DLG2: variants seen among roughly 807,000 people sequenced by gnomAD.
The protein encoded by DLG2 is disks large homolog 2.
Under a neutral mutation model 132.5 loss-of-function variants are expected in DLG2, and 45 were observed. The ratio of observed to expected loss-of-function variants is 0.34; its 90% confidence interval spans 0.27 to 0.44. The LOEUF (loss-of-function observed/expected upper bound fraction) is 0.44, where lower values mean the gene tolerates loss of function less well. Among genes scored for constraint, DLG2 ranks in the 20% least tolerant of loss-of-function variants. DLG2 has a pLI of 1.00. For missense variants in DLG2, 1,045 were observed against 1,196.9 expected (o/e 0.87, Z 1.87); for synonymous variants, 424 against 419.6 (o/e 1.01, Z -0.13).
intron 3 of DLG2, among the ~76,000 whole-genome samples, chr11:85,325,455 TCCCTGAC>T (rs1292647583): frequency 7.2e-6 from 1 of 138,452 alleles, no homozygotes; most frequent in Non-Finnish European, 1.6e-5. Context: ...CTCAAGTGGG[TCCCTGAC>T]CCCTGACCCC....
At chr11:83,706,974 A>G (rs1048874521) in intron 18 of DLG2, among the ~76,000 whole-genome samples, 2 of 152,258 alleles carry the variant, frequency 1.3e-5, no homozygotes, top group Non-Finnish European at 2.9e-5. Flanking sequence ...AACACTTATC[A>G]TCAAGCAAAC....
intron 20 of DLG2, among the ~76,000 whole-genome samples, chr11:83,539,950 G>C (rs995817823): frequency 6.6e-6 from 1 of 152,150 alleles, no homozygotes; most frequent in Non-Finnish European, 1.5e-5. Context: ...GAACCTCAGG[G>C]TTGGAAAGAG....
intron 6 of DLG2, among the ~76,000 whole-genome samples, chr11:84,758,797 TAG>T (rs1158276664): frequency 6.6e-6 from 1 of 152,222 alleles, no homozygotes; most frequent in Non-Finnish European, 1.5e-5. Context: ...GAAGGTAACG[TAG>T]ATTCACTAAG....
In DLG2 at chr11:84,887,976, G is replaced by C. The variant is rs142394761; in HGVS notation, c.357+223685C>G. The stretch of plus-strand genomic sequence containing the variant: ...CAATTCATTACCTCAAAAACTATTT[G>C]AGAGTTGAAGAAGTTTCTCAGAAAT... On this transcript the variant is annotated intron_variant, in intron 6 of 27. Coordinates refer to ENST00000376104, the MANE Select transcript of DLG2 (RefSeq NM_001142699.3). Among the ~76,000 whole-genome samples the C allele has an allele frequency of 2.2e-3, 339 of 152,192 alleles. 5 individuals carry two copies. Among genetic ancestry groups the C allele is most frequent in the African/African-American group, 8.0e-3 (331 of 41,530 alleles).
chr11:84,831,557 C>G (rs1328205718), intron 6 of DLG2, among the ~76,000 whole-genome samples: 1 of 151,534 alleles, frequency 6.6e-6, no homozygotes, highest in African/African-American at 2.4e-5. Context: ...CTTATGTTCT[C>G]TTCACTTTAC....
rs979023950 is a variant in DLG2, at chr11:84,901,380, A to T, written c.357+210281T>A. On this transcript the variant is annotated intron_variant, in intron 6 of 27. Coordinates refer to ENST00000376104, the MANE Select transcript of DLG2 (RefSeq NM_001142699.3). ...ATATCCTGACAATCAGTGGGATAAG[A>T]GATGCCATAGCCAAGTTACTCACGC... Among the ~76,000 whole-genome samples, 7 of 152,108 alleles carry T rather than the reference A, an allele frequency of 4.6e-5. No homozygotes were observed. In the South Asian group the frequency reaches 1.2e-3, roughly 27 times the overall value.
chr11:83,989,893 G>C (rs1322941035), intron 11 of DLG2, among the ~76,000 whole-genome samples: 2 of 152,102 alleles, frequency 1.3e-5, no homozygotes, highest in Non-Finnish European at 2.9e-5. Context: ...TGATAGTTTT[G>C]TAACAACTAA....
chr11:85,365,099 T>G (rs1022800312), intron 3 of DLG2, among the ~76,000 whole-genome samples: 2 of 152,144 alleles, frequency 1.3e-5, no homozygotes, highest in African/African-American at 4.8e-5. Flanking sequence ...TGGTCAATTA[T>G]TTAGTCACAA....
At chr11:83,641,420 C>T (rs2066467270) in intron 18 of DLG2, among the ~76,000 whole-genome samples, 1 of 152,154 alleles carries the variant, frequency 6.6e-6, no homozygotes, top group South Asian at 2.1e-4. Flanking sequence ...TTATTTGGAG[C>T]TCAGAAAATA....
Position 85,605,840 on chromosome 11 carries a change from A to G in DLG2, c.-92-7052T>C, listed in dbSNP as rs888694504. On this transcript the variant is annotated intron_variant, in intron 2 of 27. Transcript: ENST00000376104. ...CTAAAAATGCAAAAATTAGCTGGACATGGTTGCGGGTGCCTGTAATCCCAG... is the reference window on the plus strand; with the variant it reads ...CTAAAAATGCAAAAATTAGCTGGACGTGGTTGCGGGTGCCTGTAATCCCAG... 2.0e-5 allele frequency among the ~76,000 whole-genome samples: 3 copies of G among 152,150 alleles called. No individual in the cohort carries two copies. The South Asian group carries it at 6.2e-4, about 32-fold the overall frequency.
chr11:83,968,186 A>T (rs542239529), intron 12 of DLG2, among the ~76,000 whole-genome samples: 1 of 152,326 alleles, frequency 6.6e-6, no homozygotes, highest in African/African-American at 2.4e-5. Context: ...CAGCTATACC[A>T]TACTTTGCAG....
At chr11:85,087,166 T>C (rs1205382219) in intron 6 of DLG2, among the ~76,000 whole-genome samples, 1 of 152,184 alleles carries the variant, frequency 6.6e-6, no homozygotes, top group Non-Finnish European at 1.5e-5. Context: ...GACAAATTCC[T>C]GGCCATTACA....
intron 6 of DLG2, among the ~76,000 whole-genome samples, chr11:84,554,961 T>C (rs1202405957): frequency 6.6e-6 from 1 of 151,982 alleles, no homozygotes; most frequent in Non-Finnish European, 1.5e-5. Context: ...AATCTTTGTG[T>C]TGGAAAAGAG....
In DLG2 at chr11:83,771,685, T is replaced by C. The variant is rs201658657; in HGVS notation, c.1825+15005A>G. Among the ~76,000 whole-genome samples the C allele has an allele frequency of 3.2e-4, 48 of 152,326 alleles. No homozygotes were observed. In the East Asian group the frequency reaches 5.2e-3, roughly 17 times the overall value. Reference sequence around the variant, plus strand: ...AATCTTATAAGACCACCGTTGTATATGTGATCCATTGTTAAACATTATTTT... The same window carrying C: ...AATCTTATAAGACCACCGTTGTATACGTGATCCATTGTTAAACATTATTTT... On this transcript the variant is annotated intron_variant, in intron 18 of 27. Transcript: ENST00000376104.
At chr11:84,024,987 T>C (rs10792704) in intron 11 of DLG2, among the ~76,000 whole-genome samples, 43,827 of 151,944 alleles carry the variant, frequency 0.29, 6,720 homozygotes, top group East Asian at 0.52. Context: ...TAAGTTATAA[T>C]ATCACTTTGT....
intron 6 of DLG2, among the ~76,000 whole-genome samples, chr11:84,620,663 A>G (rs1170057243): frequency 1.3e-5 from 2 of 152,086 alleles, no homozygotes; most frequent in Non-Finnish European, 2.9e-5. Flanking sequence ...AAATATAAAG[A>G]AAGAACTCAA....
chr11:85,157,776 A>G (rs2077694434), intron 4 of DLG2, among the ~76,000 whole-genome samples: 1 of 151,988 alleles, frequency 6.6e-6, no homozygotes, highest in Non-Finnish European at 1.5e-5. Flanking sequence ...AAAGAATGGG[A>G]CCCTGCAACT....
At chr11:84,501,594 A>G (rs910020036) in intron 7 of DLG2, among the ~76,000 whole-genome samples, 4 of 152,164 alleles carry the variant, frequency 2.6e-5, no homozygotes, top group African/African-American at 9.7e-5. Context: ...TTTATTACCC[A>G]TTATGGAATT....
At chr11:84,583,676 A>G (rs1399585215) in intron 6 of DLG2, among the ~76,000 whole-genome samples, 2 of 152,150 alleles carry the variant, frequency 1.3e-5, no homozygotes, top group Non-Finnish European at 2.9e-5. Flanking sequence ...TGTATCTCTT[A>G]TGATTTAACA....
Sources: allele counts gnomAD v4.1 joint callset (sites outside exome capture counted in the v4.1 genomes callset), GRCh38; gene constraint gnomAD v4.1.1; transcripts MANE v1.5; gene names NCBI Gene and HGNC (gene_info 2026-07-23, HGNC 2026-07-21).